The following TRAF2 variants were observed in gnomAD, a reference collection of about 807,000 sequenced individuals.
The protein encoded by TRAF2 is TNF receptor-associated factor 2.
In TRAF2, 6 loss-of-function variants were observed where a neutral mutation model predicts 55.6. The ratio of observed to expected loss-of-function variants is 0.11; its 90% CI spans 0.06 to 0.21. The LOEUF is 0.21. TRAF2 is among the 10% of genes least tolerant of loss of function. The probability of loss-of-function intolerance (pLI) is 1.00; values close to 1 mark genes in which losing one functional copy is unlikely to be tolerated. For missense variants in TRAF2, 561 were observed against 684.5 expected (o/e 0.82, Z 2.01); for synonymous variants, 329 against 276.3 (o/e 1.19, Z -1.89).
chr9:136,924,660 AGTTTGAAAACCCTGCCCTG>A (rs1463537451), intron 10 of TRAF2, among the ~76,000 whole-genome samples: 4 of 152,202 alleles, frequency 2.6e-5, no homozygotes, highest in African/African-American at 9.6e-5. Flanking sequence ...CTGGACCAGT[AGTTTGAAAACCCTGCCCTG>A]GAGAGAGAGT....
Position 136,898,944 on chromosome 9 carries a change from A to T in TRAF2, c.188+16A>T, listed in dbSNP as rs749520935. 2 of 1,587,854 alleles carry T rather than the reference A, an allele frequency of 1.3e-6. No individual in the cohort carries two copies. Among genetic ancestry groups the T allele is most frequent in the Admixed American group, 3.5e-5 (2 of 57,074 alleles). ...GCATCCTCAGGTGCATGGGGCCTGC[A>T]GGCTGGGAGGAGGGGCAGGCAGGCT... On this transcript the variant is annotated intron_variant, in intron 2 of 10. Coordinates refer to ENST00000247668, the MANE Select transcript of TRAF2 (RefSeq NM_021138.4).
At chr9:136,906,644 A>AAAAAC (rs200362383) in intron 4 of TRAF2, among the ~76,000 whole-genome samples, 5 of 152,160 alleles carry the variant, frequency 3.3e-5, no homozygotes, top group East Asian at 1.9e-4. Flanking sequence ...CCCTGTCTCA[A>AAAAAC]AAAACAAAAC....
Position 136,886,554 on chromosome 9 carries a change from C to T in TRAF2, c.-29+13C>T, listed in dbSNP as rs1388056112. The T allele has an allele frequency of 1.0e-6, 1 of 975,086 alleles. No homozygotes were observed. The highest frequency in any genetic ancestry group is 4.6e-5 in the South Asian group (1 of 21,686). The allele number at this position is 975,086 out of a possible 1,614,324, so 60.4% of individuals were successfully genotyped here. On this transcript the variant is annotated intron_variant, in intron 1 of 10. Coordinates refer to ENST00000247668, the MANE Select transcript of TRAF2 (RefSeq NM_021138.4). ...CTGCGACCGTTGGGTGAGGCGAGCG[C>T]GGGGTCGGGTGCGGGGTCGGGCGCG...
chr9:136,924,488 G>C (rs1850472914), intron 10 of TRAF2, among the ~76,000 whole-genome samples: 1 of 152,022 alleles, frequency 6.6e-6, no homozygotes. Context: ...CTTGAGCCCA[G>C]TAGGTTGAGG....
chr9:136,906,786 C>T (rs1171796887), intron 4 of TRAF2, among the ~76,000 whole-genome samples: 4 of 152,242 alleles, frequency 2.6e-5, no homozygotes, highest in African/African-American at 4.8e-5. Flanking sequence ...GTAAGCGGCA[C>T]GTTCAGTCTG....
rs1400700360 is a variant in TRAF2, at chr9:136,926,449, CTG to C, written c.*551_*552del. 4.3e-6 allele frequency: 1 copy of C among 235,064 alleles called. No individual in the cohort carries two copies. The highest frequency in any genetic ancestry group is 1.0e-4 in the East Asian group (1 of 10,048). 14.6% of individuals were successfully genotyped at this position (235,064 alleles called of 1,614,324 possible). ...GTGCTTGTCTGCACAGAGCTCTGGT[CTG>C]TGCCACCTTGGCCAGGCTGGCTGTG... On this transcript the variant is annotated 3_prime_UTR_variant, in exon 11 of 11. Transcript: ENST00000247668.
At chr9:136,897,840 G>C (rs1849719315) in intron 1 of TRAF2, among the ~76,000 whole-genome samples, 1 of 135,686 alleles carries the variant, frequency 7.4e-6, no homozygotes, top group African/African-American at 2.8e-5. Context: ...GGTAGCTATA[G>C]GGAGTGCACT....
At chr9:136,886,770 G>C in intron 1 of TRAF2, 1 of 224,316 alleles carries the variant, frequency 4.5e-6, no homozygotes, top group Non-Finnish European at 7.5e-6. Context: ...GGGAAAGTTC[G>C]GGAACGCGCG....
At chr9:136,887,209 T>TCGGGGC (rs1273223165) in intron 1 of TRAF2, among the ~76,000 whole-genome samples, 5 of 151,870 alleles carry the variant, frequency 3.3e-5, no homozygotes, top group South Asian at 2.1e-4. Context: ...CGGGCCGGGA[T>TCGGGGC]CGGGGCCGGG....
upstream of TRAF2, among the ~76,000 whole-genome samples, chr9:136,882,258 C>T (rs1452897913): frequency 3.3e-5 from 5 of 152,190 alleles, no homozygotes; most frequent in African/African-American, 7.2e-5. Context: ...AGAGGGCAGA[C>T]GCAGCCGCTG....
intron 7 of TRAF2, among the ~76,000 whole-genome samples, chr9:136,919,797 C>T (rs926171230): frequency 6.6e-6 from 1 of 151,428 alleles, no homozygotes; most frequent in African/African-American, 2.4e-5. Context: ...CTCACTGCAG[C>T]GTCAACCTCC....
chr9:136,888,961 G>A (rs1357310168), intron 1 of TRAF2, among the ~76,000 whole-genome samples: 1 of 152,036 alleles, frequency 6.6e-6, no homozygotes, highest in African/African-American at 2.4e-5. Flanking sequence ...TGCCTCCTGG[G>A]TTCACGCTAT....
chr9:136,884,555 G>A (rs1303172619), upstream of TRAF2, among the ~76,000 whole-genome samples: 2 of 116,930 alleles, frequency 1.7e-5, no homozygotes, highest in Non-Finnish European at 3.5e-5. Flanking sequence ...GCAAGACACC[G>A]TCTCAAAAAA....
intron 9 of TRAF2, among the ~76,000 whole-genome samples, chr9:136,921,852 C>G (rs1850394478): frequency 6.6e-6 from 1 of 152,210 alleles, no homozygotes; most frequent in South Asian, 2.1e-4. Flanking sequence ...CAGAGGCGGC[C>G]CCCCTGCTGT....
chr9:136,911,854 T>G (rs1850116510), intron 6 of TRAF2, among the ~76,000 whole-genome samples: 1 of 116,114 alleles, frequency 8.6e-6, no homozygotes, highest in Non-Finnish European at 1.8e-5. Flanking sequence ...CTCTTTTTTT[T>G]TTTTTTTTTT....
intron 1 of TRAF2, among the ~76,000 whole-genome samples, chr9:136,898,233 C>T (rs1588423845): frequency 6.6e-6 from 1 of 152,224 alleles, no homozygotes; most frequent in South Asian, 2.1e-4. Context: ...GCCTGAGTGC[C>T]AGCAGGCAGG....
intron 3 of TRAF2, 23 bp downstream of exon 3, chr9:136,899,695 A>T (rs771067006): frequency 6.2e-7 from 1 of 1,603,312 alleles, no homozygotes; most frequent in East Asian, 2.2e-5. Flanking sequence ...TCTTGAAGCT[A>T]AAAATGTTGA....
intron 1 of TRAF2, among the ~76,000 whole-genome samples, chr9:136,889,276 G>A (rs1303862752): frequency 2.8e-5 from 4 of 142,178 alleles, no homozygotes; most frequent in African/African-American, 1.0e-4. Flanking sequence ...GAGCCACCAC[G>A]CCTGGCCTTT....
chr9:136,892,569 A>G (rs1217991958), intron 1 of TRAF2, among the ~76,000 whole-genome samples: 2 of 152,284 alleles, frequency 1.3e-5, no homozygotes, highest in East Asian at 1.9e-4. Flanking sequence ...TTCTAAAACC[A>G]TTAAACCTTT....
Sources: gnomAD v4.1 joint callset for allele counts (sites outside exome capture counted in the v4.1 genomes callset) on GRCh38, gnomAD v4.1.1 for gene constraint, MANE v1.5 for transcripts, NCBI Gene and HGNC (gene_info 2026-07-23, HGNC 2026-07-21) for gene names.